The following TMCC1 variants were observed in gnomAD, a reference collection of about 807,000 sequenced individuals.
The protein encoded by TMCC1 is transmembrane and coiled-coil domains protein 1.
In TMCC1, 15 loss-of-function variants were observed where a neutral mutation model predicts 52.4. The observed-to-expected ratio is 0.29, with a 90% CI of 0.19 to 0.44. TMCC1 has a LOEUF of 0.44. TMCC1 is among the 20% of genes least tolerant of loss of function. TMCC1 has a pLI of 1.00. For missense variants in TMCC1, 503 were observed against 806.0 expected, an observed-to-expected ratio of 0.62 and a Z score of 4.55; for synonymous variants, 279 against 301.9, an observed-to-expected ratio of 0.92 and a Z score of 0.79.
intron 2 of TMCC1, among the ~76,000 whole-genome samples, chr3:129,877,848 TTGATCTCC>T (rs376889313): frequency 2.3e-3 from 356 of 152,296 alleles, no homozygotes; most frequent in Middle Eastern, 6.8e-3. Flanking sequence ...CAGGGTGATC[TTGATCTCC>T]TGATCTCCTG....
At chr3:129,775,275 C>T (rs993462126) in intron 4 of TMCC1, among the ~76,000 whole-genome samples, 13 of 151,900 alleles carry the variant, frequency 8.6e-5, no homozygotes, top group Non-Finnish European at 1.6e-4. Context: ...CATGACAACC[C>T]CACCACCACA....
At chr3:129,867,072 G>A (rs2060684279) in intron 2 of TMCC1, 1 of 151,294 alleles carries the variant, frequency 6.6e-6, no homozygotes, top group African/African-American at 2.4e-5. Flanking sequence ...ACCTACACGA[G>A]TCTCATCCTT....
At chr3:129,705,870 G>A (rs939419237) in intron 4 of TMCC1, among the ~76,000 whole-genome samples, 3 of 146,718 alleles carry the variant, frequency 2.0e-5, no homozygotes, top group African/African-American at 5.1e-5. Flanking sequence ...GGGATTACAG[G>A]TGTGAGCCAC....
At chr3:129,841,796 T>C (rs2059433070) in intron 2 of TMCC1, among the ~76,000 whole-genome samples, 1 of 152,246 alleles carries the variant, frequency 6.6e-6, no homozygotes, top group African/African-American at 2.4e-5. Flanking sequence ...CAAGATCTGA[T>C]GGTTTTACAG....
chr3:129,761,217 A>G (rs984535750), intron 4 of TMCC1, among the ~76,000 whole-genome samples: 2 of 150,800 alleles, frequency 1.3e-5, no homozygotes, highest in African/African-American at 4.9e-5. Flanking sequence ...GGTCCCAGCT[A>G]CTCGGGAGGG....
chr3:129,797,158 C>T (rs1412809251), intron 4 of TMCC1, among the ~76,000 whole-genome samples: 1 of 152,066 alleles, frequency 6.6e-6, no homozygotes, highest in African/African-American at 2.4e-5. Flanking sequence ...AACCCCATCT[C>T]TACTAAAAAT....
At chr3:129,682,015 C>A (rs2089034472) in intron 4 of TMCC1, among the ~76,000 whole-genome samples, 1 of 151,866 alleles carries the variant, frequency 6.6e-6, no homozygotes, top group Non-Finnish European at 1.5e-5. Context: ...AGGTTCCATG[C>A]ACATATAAAA....
intron 4 of TMCC1, among the ~76,000 whole-genome samples, chr3:129,728,198 A>C (rs935201842): frequency 3.3e-5 from 5 of 152,256 alleles, no homozygotes; most frequent in Non-Finnish European, 5.9e-5. Flanking sequence ...AAAGTTTATT[A>C]ATATAGGGAA....
rs570309417 is a variant in TMCC1, at chr3:129,699,915, C to T, written c.577-28651G>A. ...TGGGAGACAGAGTGAAATCCTGTCC[C>T]TAAAACAAATAAATGAAACAAAACA... On this transcript the variant is annotated intron_variant, in intron 4 of 6. Coordinates refer to ENST00000393238, the MANE Select transcript of TMCC1 (RefSeq NM_001017395.5). Among the ~76,000 whole-genome samples, 9 of 152,096 alleles carry T rather than the reference C, an allele frequency of 5.9e-5. No individual in the cohort carries two copies. In the South Asian group the frequency reaches 1.7e-3, roughly 28 times the overall value.
chr3:129,855,659 AAAC>A (rs571762167), intron 2 of TMCC1, among the ~76,000 whole-genome samples: 26 of 152,236 alleles, frequency 1.7e-4, no homozygotes, highest in African/African-American at 3.1e-4. Flanking sequence ...CTTGGCCTAA[AAAC>A]AACAACAACA....
At chr3:129,737,159 C>T (rs2051041016) in intron 4 of TMCC1, among the ~76,000 whole-genome samples, 1 of 152,102 alleles carries the variant, frequency 6.6e-6, no homozygotes, top group South Asian at 2.1e-4. Context: ...AATGTGACTG[C>T]TGCCTTATAA....
At chr3:129,746,776 A>C (rs1215796254) in intron 4 of TMCC1, among the ~76,000 whole-genome samples, 1 of 152,194 alleles carries the variant, frequency 6.6e-6, no homozygotes, top group Non-Finnish European at 1.5e-5. Flanking sequence ...GGTTGGGGTA[A>C]GAGTCTGTTG....
intron 4 of TMCC1, among the ~76,000 whole-genome samples, chr3:129,729,820 A>G (rs1169525379): frequency 1.3e-5 from 2 of 152,074 alleles, no homozygotes; most frequent in African/African-American, 4.8e-5. Flanking sequence ...TTTCATAAAA[A>G]GGAATGAGGC....
chr3:129,653,150 G>A (rs989881827), intron 6 of TMCC1, among the ~76,000 whole-genome samples: 2 of 151,412 alleles, frequency 1.3e-5, no homozygotes, highest in African/African-American at 4.9e-5. Flanking sequence ...TTTTTTAACT[G>A]CTGCCTGGCA....
intron 4 of TMCC1, among the ~76,000 whole-genome samples, chr3:129,767,911 C>T (rs996589983): frequency 1.3e-5 from 2 of 152,214 alleles, no homozygotes; most frequent in Non-Finnish European, 2.9e-5. Flanking sequence ...ATATTTCAGG[C>T]CAGGCCCAGA....
At chr3:129,657,299 C>T (rs1279807158) in intron 5 of TMCC1, among the ~76,000 whole-genome samples, 1 of 152,134 alleles carries the variant, frequency 6.6e-6, no homozygotes, top group East Asian at 1.9e-4. Flanking sequence ...AAACATGGCT[C>T]ATACATACCA....
rs144478396 is a variant in TMCC1, at chr3:129,826,982, T to G, written c.576+821A>C. 6.6e-5 allele frequency among the ~76,000 whole-genome samples: 10 copies of G among 152,300 alleles called. No homozygotes were observed. In the East Asian group the frequency reaches 1.5e-3, roughly 24 times the overall value. On this transcript the variant is annotated intron_variant, in intron 4 of 6. Coordinates refer to ENST00000393238, the MANE Select transcript of TMCC1 (RefSeq NM_001017395.5). ...TTCCCATCTAGATTTCCAGTTTCTCTTGAAAAAAATCAGAAGCTCTGGCAA... is the reference window on the plus strand; with the variant it reads ...TTCCCATCTAGATTTCCAGTTTCTCGTGAAAAAAATCAGAAGCTCTGGCAA...
intron 4 of TMCC1, among the ~76,000 whole-genome samples, chr3:129,778,697 G>A (rs918945704): frequency 1.3e-5 from 2 of 148,670 alleles, no homozygotes; most frequent in African/African-American, 2.5e-5. Context: ...GTCTCCCCAT[G>A]CTGTTCTCAT....
chr3:129,885,184 G>C (rs544446895), intron 1 of TMCC1, among the ~76,000 whole-genome samples: 165 of 152,064 alleles, frequency 1.1e-3, no homozygotes, highest in Non-Finnish European at 2.2e-3. Flanking sequence ...AATGTTCCTT[G>C]TTTTCAAGAA....
Sources: allele counts gnomAD v4.1 joint callset (sites outside exome capture counted in the v4.1 genomes callset), GRCh38; gene constraint gnomAD v4.1.1; transcripts MANE v1.5; gene names NCBI Gene and HGNC (gene_info 2026-07-23, HGNC 2026-07-21).